The following PAPPA variants were observed in gnomAD, a reference collection of about 807,000 sequenced individuals.
The protein encoded by PAPPA is pappalysin 1.
PAPPA carries 60 observed loss-of-function variants against 164.0 expected under a neutral mutation model. That is an observed-to-expected ratio of 0.37 (90% CI 0.30 to 0.45). PAPPA has a LOEUF of 0.45. Among genes scored for constraint, PAPPA ranks in the 20% least tolerant of loss-of-function variants. The pLI is 1.00. For synonymous variants in PAPPA, 875 were observed against 814.1 expected, an observed-to-expected ratio of 1.07 and a Z score of -1.27; for missense variants, 1,782 against 2,087.3, an observed-to-expected ratio of 0.85 and a Z score of 2.85.
At chr9:116,325,192 A>G (rs1441241033) in intron 10 of PAPPA, among the ~76,000 whole-genome samples, 1 of 152,168 alleles carries the variant, frequency 6.6e-6, no homozygotes. Context: ...GTCAACTCCT[A>G]GTTGTGATAT....
At chr9:116,213,537 C>T (rs1445137669) in intron 4 of PAPPA, among the ~76,000 whole-genome samples, 1 of 152,110 alleles carries the variant, frequency 6.6e-6, no homozygotes, top group East Asian at 1.9e-4. Context: ...TGCTAAAGTT[C>T]CATTTCTATA....
intron 6 of PAPPA, 39 bp downstream of exon 6, chr9:116,227,591 G>A: frequency 6.2e-7 from 1 of 1,610,058 alleles, no homozygotes; most frequent in African/African-American, 1.3e-5. Flanking sequence ...CAGGAGGAGT[G>A]TGCAAAGAAC....
chr9:116,312,288 C>CTTTTTTTTTTTTTTTTTTTTTTTTTT (rs5900201), intron 10 of PAPPA, among the ~76,000 whole-genome samples: 6 of 129,634 alleles, frequency 4.6e-5, no homozygotes, highest in East Asian at 2.2e-4. Context: ...TTCTTTCTTT[C>CTTTTTTTTTTTTTTTTTTTTTTTTTT]TTTTTTTTTT....
intron 7 of PAPPA, among the ~76,000 whole-genome samples, chr9:116,255,719 C>T (rs1442518306): frequency 4.6e-5 from 7 of 151,788 alleles, no homozygotes; most frequent in African/African-American, 1.7e-4. Flanking sequence ...GGGACTAACA[C>T]TTTTAAAATA....
At chr9:116,321,079 C>G (rs1242998124) in intron 10 of PAPPA, among the ~76,000 whole-genome samples, 3 of 151,458 alleles carry the variant, frequency 2.0e-5, no homozygotes, top group East Asian at 3.9e-4. Context: ...CCAGGCCGGA[C>G]TGCAGTAGTG....
At chr9:116,257,517 C>T (rs1047955090) in intron 7 of PAPPA, among the ~76,000 whole-genome samples, 6 of 151,822 alleles carry the variant, frequency 4.0e-5, no homozygotes, top group South Asian at 2.1e-4. Context: ...TGGCTAGAGA[C>T]GGTGAAACCC....
At chr9:116,236,772 A>G (rs962261610) in intron 7 of PAPPA, among the ~76,000 whole-genome samples, 1 of 152,014 alleles carries the variant, frequency 6.6e-6, no homozygotes, top group African/African-American at 2.4e-5. Context: ...CCTCTCCACA[A>G]CCATAGCCCT....
intron 8 of PAPPA, among the ~76,000 whole-genome samples, chr9:116,269,544 C>T: frequency 6.6e-6 from 1 of 152,158 alleles, no homozygotes. Flanking sequence ...ATAGATGGAG[C>T]AAGATGTCTG....
Position 116,396,720 on chromosome 9 carries a change from G to A in PAPPA, c.*104G>A, listed in dbSNP as rs1846969855. 8.8e-6 allele frequency: 6 copies of A among 684,316 alleles called. No homozygotes were observed. The allele number at this position is 684,316 out of a possible 1,614,324, so 42.4% of individuals were successfully genotyped here. A position where few individuals can be genotyped will look rare whatever the true frequency, so the allele number is the denominator to read the frequency against. ...CAACGGAATGGCCTCTCCACACCAGGGATCCTTAGCACCCAACCGGTCTGC... is the reference window on the plus strand; with the variant it reads ...CAACGGAATGGCCTCTCCACACCAGAGATCCTTAGCACCCAACCGGTCTGC... On this transcript the variant is annotated 3_prime_UTR_variant, in exon 22 of 22. Coordinates refer to ENST00000328252, the MANE Select transcript of PAPPA (RefSeq NM_002581.5).
At chr9:116,225,034 GTATT>G (rs1460068102) in intron 5 of PAPPA, among the ~76,000 whole-genome samples, 1 of 152,210 alleles carries the variant, frequency 6.6e-6, no homozygotes, top group African/African-American at 2.4e-5. Flanking sequence ...ACTCATCCAA[GTATT>G]TATTGGGAGC....
chr9:116,224,694 G>A (rs537402470), intron 5 of PAPPA, among the ~76,000 whole-genome samples: 13 of 152,190 alleles, frequency 8.5e-5, no homozygotes, highest in African/African-American at 2.9e-4. Context: ...AATGTGACTG[G>A]TGTGACTGAA....
At chr9:116,219,125 C>T (rs139751388) in intron 4 of PAPPA, among the ~76,000 whole-genome samples, 4 of 152,310 alleles carry the variant, frequency 2.6e-5, no homozygotes, top group East Asian at 3.9e-4. Context: ...CAATCTTAGC[C>T]GTGCAATCTG....
At chr9:116,180,454 A>G (rs1843890784) in intron 1 of PAPPA, among the ~76,000 whole-genome samples, 1 of 152,146 alleles carries the variant, frequency 6.6e-6, no homozygotes, top group South Asian at 2.1e-4. Context: ...CTGTCAAAAG[A>G]ATACTAATAA....
intron 7 of PAPPA, among the ~76,000 whole-genome samples, chr9:116,254,772 A>T (rs181718965): frequency 0.01 from 1,387 of 136,932 alleles, 25 homozygotes; most frequent in African/African-American, 0.036. Flanking sequence ...ACAGAGCAAG[A>T]CTCCGTCTCA....
chr9:116,336,785 G>A (rs976042793), intron 13 of PAPPA, among the ~76,000 whole-genome samples: 2 of 152,112 alleles, frequency 1.3e-5, no homozygotes, highest in African/African-American at 4.8e-5. Flanking sequence ...CCCCTTCTCT[G>A]GGCCTCAGTT....
intron 2 of PAPPA, among the ~76,000 whole-genome samples, chr9:116,205,183 T>C (rs1222541455): frequency 6.7e-6 from 1 of 149,958 alleles, no homozygotes; most frequent in African/African-American, 2.5e-5. Context: ...CTTCCCAAAG[T>C]ATGAAAAAAA....
Position 116,332,379 on chromosome 9 carries a change from T to C in PAPPA, c.3308T>C (p.Leu1103Pro). The C allele has an allele frequency of 6.2e-7, 1 of 1,614,000 alleles. No individual in the cohort carries two copies. Among genetic ancestry groups the C allele is most frequent in the Non-Finnish European group, 8.5e-7 (1 of 1,179,848 alleles). Residue 1103 changes from leucine (L) to proline (P), a missense_variant, in exon 12 of 22, where the codon CTG (leucine) becomes CCG (proline). Around this residue, in one of 2 missense-constraint regions of PAPPA, gnomAD observed 1,324 missense variants for 1,656.9 expected, o/e 0.80. Coordinates refer to ENST00000328252, the MANE Select transcript of PAPPA (RefSeq NM_002581.5). ...PMVAAAVIVH[L>P]VTDGTYYGDQ... Reference sequence around the variant, plus strand: ...GTTGCCGCAGCTGTCATTGTCCACCTGGTGACGGATGGGACATATTATGGG... The same window carrying C: ...GTTGCCGCAGCTGTCATTGTCCACCCGGTGACGGATGGGACATATTATGGG...
chr9:116,369,892 T>A (rs1212501120), intron 19 of PAPPA, among the ~76,000 whole-genome samples: 2 of 151,688 alleles, frequency 1.3e-5, no homozygotes, highest in East Asian at 3.9e-4. Flanking sequence ...GGCCTCATTA[T>A]CCAGGAGGAA....
intron 5 of PAPPA, among the ~76,000 whole-genome samples, chr9:116,222,372 T>C (rs946594484): frequency 3.3e-5 from 5 of 152,216 alleles, no homozygotes; most frequent in African/African-American, 9.6e-5. Flanking sequence ...TATAAACCTA[T>C]TGTAAGTTGA....
Sources: gnomAD v4.1 joint callset for allele counts (sites outside exome capture counted in the v4.1 genomes callset) on GRCh38, gnomAD v4.1.1 for gene constraint, gnomAD v4.1.1 regional missense constraint, MANE v1.5 for transcripts, NCBI Gene and HGNC (gene_info 2026-07-23, HGNC 2026-07-21) for gene names.